The following MMEL1 variants were observed in gnomAD, a reference collection of about 807,000 sequenced individuals.
The protein encoded by MMEL1 is membrane metallo-endopeptidase-like 1.
MMEL1 carries 98 observed loss-of-function variants against 117.1 expected under a neutral mutation model. The ratio of observed to expected loss-of-function variants is 0.84; its 90% CI spans 0.71 to 0.99. MMEL1 has a LOEUF of 0.99. Among genes scored for constraint, MMEL1 ranks in the 50% least tolerant of loss-of-function variants. The pLI is 0.00. For missense variants in MMEL1, 1,014 were observed against 1,049.1 expected, an observed-to-expected ratio of 0.97 and a Z score of 0.46; for synonymous variants, 390 against 415.1, an observed-to-expected ratio of 0.94 and a Z score of 0.74.
chr1:2,598,053 A>G (rs887017997), intron 13 of MMEL1, among the ~76,000 whole-genome samples, 154 bp downstream of exon 13: 3 of 152,190 alleles, frequency 2.0e-5, no homozygotes, highest in African/African-American at 7.2e-5. Flanking sequence ...GTTGACTGTC[A>G]TGGTCCACTC....
chr1:2,609,295 C>A, intron 6 of MMEL1, 44 bp downstream of exon 6: 3 of 1,577,590 alleles, frequency 1.9e-6, no homozygotes, highest in Non-Finnish European at 1.7e-6. Context: ...GGGCAGCCCG[C>A]CCCCGTCCCC....
chr1:2,590,904 A>T lies in MMEL1; in HGVS notation c.*86T>A. 3 of 1,108,330 alleles carry T rather than the reference A, an allele frequency of 2.7e-6. No individual in the cohort carries two copies. The allele number at this position is 1,108,330 out of a possible 1,614,324, so 68.7% of individuals were successfully genotyped here. ...GGCATGGTTGGCCGGGGCGGGACGT[A>T]CACTGGGTCGCCGCTAGCTGCACCT... On this transcript the variant is annotated 3_prime_UTR_variant, in exon 24 of 24. Coordinates refer to ENST00000378412, the MANE Select transcript of MMEL1 (RefSeq NM_033467.4).
chr1:2,629,583 G>T, intron 1 of MMEL1, 62 bp from the exon 2 acceptor site: 3 of 1,346,838 alleles, frequency 2.2e-6, no homozygotes, highest in Non-Finnish European at 9.6e-7. Flanking sequence ...CCGGCCCGAG[G>T]CTGGAAGGGC....
At chr1:2,600,980 T>C (rs1644922763) in intron 11 of MMEL1, among the ~76,000 whole-genome samples, 1 of 150,602 alleles carries the variant, frequency 6.6e-6, no homozygotes, top group African/African-American at 2.4e-5. Flanking sequence ...GCATATATCA[T>C]GTTCATGGAT....
chr1:2,629,258 C>T (rs1638421977), intron 2 of MMEL1, 73 bp downstream of exon 2: 1 of 1,454,604 alleles, frequency 6.9e-7, no homozygotes, highest in South Asian at 1.3e-5. Context: ...CAGGCGGACC[C>T]TGCAGCAGGT....
At chr1:2,620,831 T>C (rs776120756) in intron 2 of MMEL1, among the ~76,000 whole-genome samples, 4 of 147,438 alleles carry the variant, frequency 2.7e-5, no homozygotes, top group Non-Finnish European at 4.5e-5. Flanking sequence ...AAAAATAAAC[T>C]AAATTTTCCA....
rs889003651 is a variant in MMEL1, at chr1:2,632,929, T to C, written c.-101A>G. 1.1e-5 allele frequency: 11 copies of C among 985,198 alleles called. No homozygotes were observed. Among genetic ancestry groups the C allele is most frequent in the African/African-American group, 1.8e-5 (1 of 57,078 alleles). 61.0% of individuals were successfully genotyped at this position (985,198 alleles called of 1,614,324 possible). ...CCCCTGGAGACTGGGTCCCAGTGGGTTGGAGTTGGGGTGAGCTGGGCCAAG... is the reference window on the plus strand; with the variant it reads ...CCCCTGGAGACTGGGTCCCAGTGGGCTGGAGTTGGGGTGAGCTGGGCCAAG... On this transcript the variant is annotated 5_prime_UTR_variant, in exon 1 of 24. Coordinates refer to ENST00000378412, the MANE Select transcript of MMEL1 (RefSeq NM_033467.4).
At position 2,595,192 on chromosome 1, in the gene MMEL1, A is replaced by G; in HGVS notation, c.1584+84T>C. Reference sequence around the variant, plus strand: ...GTTAGCGCCTGGGAGGAGGGCACAGAGCTTGGCACAGAGGAGCCCCCAGGC... The same window carrying G: ...GTTAGCGCCTGGGAGGAGGGCACAGGGCTTGGCACAGAGGAGCCCCCAGGC... On this transcript the variant is annotated intron_variant, in intron 16 of 23. Transcript: ENST00000378412. This position sits in a 1 kb window ranked among gnomAD's most constrained non-coding sequence, Gnocchi z 4.8. 1 of 1,275,602 alleles carries G rather than the reference A, an allele frequency of 7.8e-7. No homozygotes were observed. Among genetic ancestry groups the G allele is most frequent in the Non-Finnish European group, 1.1e-6 (1 of 894,422 alleles). The allele number at this position is 1,275,602 out of a possible 1,614,324, so 79.0% of individuals were successfully genotyped here.
chr1:2,629,580 G>C, intron 1 of MMEL1, 59 bp from the exon 2 acceptor site: 1 of 1,352,638 alleles, frequency 7.4e-7, no homozygotes, highest in South Asian at 1.6e-5. Flanking sequence ...AGCCCGGCCC[G>C]AGGCTGGAAG....
Position 2,609,769 on chromosome 1 carries a change from C to T in MMEL1, c.355G>A (p.Ala119Thr). The change falls in exon 5 of 24, where the codon GCA becomes ACA. Residue 119 changes from alanine to threonine, a missense_variant. Ala to Thr is a moderately conservative substitution (Grantham distance 58). Transcript: ENST00000378412. ...TGGCGCCGCAGCCAGCCTCCGCATGCAAACTGGTAGAAGTCGTCACACGGT... is the reference window on the plus strand; with the variant it reads ...TGGCGCCGCAGCCAGCCTCCGCATGTAAACTGGTAGAAGTCGTCACACGGT... ...TEPCDDFYQF[A>T]CGGWLRRHVI... 6.2e-7 allele frequency: 1 copy of T among 1,613,934 alleles called. No individual in the cohort carries two copies. Among genetic ancestry groups the T allele is most frequent in the Non-Finnish European group, 8.5e-7 (1 of 1,180,010 alleles).
At chr1:2,631,618 C>T (rs1218399514) in intron 1 of MMEL1, among the ~76,000 whole-genome samples, 1 of 152,214 alleles carries the variant, frequency 6.6e-6, no homozygotes, top group African/African-American at 2.4e-5. Context: ...CTTCCTGTCC[C>T]CTCAGCCACC....
intron 6 of MMEL1, among the ~76,000 whole-genome samples, chr1:2,607,685 C>T (rs954545362): frequency 5.9e-5 from 9 of 152,138 alleles, no homozygotes; most frequent in Admixed American, 5.2e-4. Flanking sequence ...GCAGGTGCCC[C>T]GTCAGGTCAA....
rs534522952 is a variant in MMEL1, at chr1:2,594,837, G to A, written c.1641C>T (p.Gly547=). ...FENSLQNLKV[G]AQRSLRKLRE... ...GAAGCTTCCTGAGGCTCCGCTGGGCGCCCACCTTGAGGTTCTGCAGACTGT... is the reference window on the plus strand; with the variant it reads ...GAAGCTTCCTGAGGCTCCGCTGGGCACCCACCTTGAGGTTCTGCAGACTGT... Residue 547 remains glycine, a synonymous_variant, in exon 17 of 24, where the codon GGC becomes GGT. Coordinates refer to ENST00000378412, the MANE Select transcript of MMEL1 (RefSeq NM_033467.4). 1.7e-5 allele frequency: 28 copies of A among 1,613,972 alleles called. No homozygotes were observed. Among genetic ancestry groups the A allele is most frequent in the Middle Eastern group, 1.7e-4 (1 of 6,060 alleles).
chr1:2,606,147 G>A (rs958559453), intron 8 of MMEL1, 101 bp downstream of exon 8: 78 of 912,730 alleles, frequency 8.5e-5, no homozygotes, highest in South Asian at 5.7e-4. Context: ...AGGAGACCCC[G>A]GAGCTCCCTG....
At chr1:2,594,356 T>C in intron 18 of MMEL1, 29 bp downstream of exon 18, 8 of 1,551,304 alleles carry the variant, frequency 5.2e-6, no homozygotes, top group Non-Finnish European at 6.1e-6. Flanking sequence ...CCAAAGGGCC[T>C]GGGCAGGCAG....
At chr1:2,594,927 G>C in intron 16 of MMEL1, 34 bp from the exon 17 acceptor site, 2 of 1,578,236 alleles carry the variant, frequency 1.3e-6, no homozygotes, top group Non-Finnish European at 1.7e-6. Flanking sequence ...CCAGATGCTG[G>C]GGCCGGGCCC....
intron 2 of MMEL1, among the ~76,000 whole-genome samples, chr1:2,623,718 G>T (rs765643097): frequency 2.0e-5 from 3 of 152,234 alleles, no homozygotes; most frequent in Admixed American, 6.5e-5. Context: ...GATGAGAAAG[G>T]CTGGGGCAGG....
At chr1:2,600,719 CCT>C (rs1491481939) in intron 11 of MMEL1, among the ~76,000 whole-genome samples, 1 of 85,636 alleles carries the variant, frequency 1.2e-5, no homozygotes, top group African/African-American at 3.3e-5. Context: ...ACCCAACCCC[CCT>C]GTTTTTTTAC....
At chr1:2,623,964 T>C (rs556801549) in intron 2 of MMEL1, among the ~76,000 whole-genome samples, 3 of 152,238 alleles carry the variant, frequency 2.0e-5, no homozygotes, top group Admixed American at 2.0e-4. Flanking sequence ...CCCAGAATCC[T>C]AGACTGACAT....
Sources: allele counts gnomAD v4.1 joint callset (sites outside exome capture counted in the v4.1 genomes callset), GRCh38; gene constraint gnomAD v4.1.1; non-coding constraint Gnocchi (gnomAD v3.1); transcripts MANE v1.5; gene names NCBI Gene and HGNC (gene_info 2026-07-23, HGNC 2026-07-21).